Variants in MICAL3 observed in about 807,000 individuals in gnomAD.
MICAL3 encodes microtubule associated monooxygenase, calponin and LIM domain containing 3, also known as [F-actin]-monooxygenase MICAL3.
A neutral mutation model predicts 207.4 loss-of-function variants in MICAL3; 62 were observed. The ratio of observed to expected loss-of-function variants is 0.30; its 90% CI spans 0.24 to 0.37. The LOEUF (loss-of-function observed/expected upper bound fraction) is 0.37, where lower values mean the gene tolerates loss of function less well. MICAL3 is among the 10% of genes least tolerant of loss of function. The probability of loss-of-function intolerance (pLI) is 1.00; values close to 1 mark genes in which losing one functional copy is unlikely to be tolerated. For missense variants in MICAL3, 2,368 were observed against 2,635.6 expected (o/e 0.90, Z 2.22); for synonymous variants, 1,077 against 1,069.3 (o/e 1.01, Z -0.14).
intron 22 of MICAL3, 119 bp downstream of exon 22, chr22:17,827,525 G>A: frequency 9.2e-7 from 1 of 1,087,924 alleles, no homozygotes; most frequent in Non-Finnish European, 1.3e-6. Context: ...GGATGCGCCT[G>A]GCTCCCGTGT....
At chr22:17,812,461 C>CA (rs1831219282) in intron 27 of MICAL3, 2 of 971,616 alleles carry the variant, frequency 2.1e-6, no homozygotes, top group South Asian at 9.5e-5. Flanking sequence ...TGGTTAATCA[C>CA]AGACATGCAT....
intron 1 of MICAL3, among the ~76,000 whole-genome samples, chr22:17,928,331 C>T (rs1227921511): frequency 1.3e-5 from 2 of 151,836 alleles, no homozygotes; most frequent in Non-Finnish European, 2.9e-5. Flanking sequence ...CCCAGCTACT[C>T]AGGAGGCTGA....
chr22:17,797,680 T>C (rs1333166428), intron 29 of MICAL3, among the ~76,000 whole-genome samples: 1 of 152,232 alleles, frequency 6.6e-6, no homozygotes, highest in African/African-American at 2.4e-5. Context: ...TGGATGCTGA[T>C]ATCAAAAACA....
chr22:18,020,434 T>C (rs1924391715), intron 1 of MICAL3, among the ~76,000 whole-genome samples: 1 of 151,326 alleles, frequency 6.6e-6, no homozygotes, highest in South Asian at 2.1e-4. Flanking sequence ...TGGTATTTCT[T>C]AATATTATGA....
chr22:17,847,159 C>G (rs1221059065), intron 19 of MICAL3, among the ~76,000 whole-genome samples: 1 of 152,258 alleles, frequency 6.6e-6, no homozygotes, highest in East Asian at 1.9e-4. Flanking sequence ...GTGGCAAAGC[C>G]CCCCTGTACT....
chr22:17,918,941 C>G (rs1932710431), intron 1 of MICAL3, among the ~76,000 whole-genome samples: 1 of 152,240 alleles, frequency 6.6e-6, no homozygotes, highest in Admixed American at 6.5e-5. Flanking sequence ...GCAGCTGACA[C>G]ATATATTCAA....
At chr22:17,951,728 G>A (rs946800237) in intron 1 of MICAL3, among the ~76,000 whole-genome samples, 5 of 150,056 alleles carry the variant, frequency 3.3e-5, no homozygotes, top group African/African-American at 9.8e-5. Context: ...ACAGGGTCTC[G>A]CTCAGGCATC....
At chr22:17,884,395 C>T in intron 16 of MICAL3, 1 of 1,484,666 alleles carries the variant, frequency 6.7e-7, no homozygotes, top group Non-Finnish European at 9.1e-7. Context: ...GGGGACAGGA[C>T]ATGGAGACAA....
rs1452072511 is a variant in MICAL3, at chr22:17,902,625, A to T, written c.589+6T>A. 1 of 1,545,134 alleles carries T rather than the reference A, an allele frequency of 6.5e-7. No homozygotes were observed. Among genetic ancestry groups the T allele is most frequent in the Non-Finnish European group, 8.9e-7 (1 of 1,125,144 alleles). ...ACGCCTTCTTCACTCCTCCAGTATAACTTACGTTCATTCTCTTGGTCCTCA... is the reference window on the plus strand; with the variant it reads ...ACGCCTTCTTCACTCCTCCAGTATATCTTACGTTCATTCTCTTGGTCCTCA... On this transcript the variant is annotated splice_donor_region_variant and intron_variant, in intron 4 of 31. Coordinates refer to ENST00000441493, the MANE Select transcript of MICAL3 (RefSeq NM_015241.3). The surrounding 1 kb of genome is among the most constrained non-coding windows in gnomAD (Gnocchi z 4.5).
rs1213884856 is a variant in MICAL3, at chr22:17,877,574, T to TAGGGAGGTGAGGGAGGTTATGGAGGTG, written c.2242-5552_2242-5551insCACCTCCATAACCTCCCTCACCTCCCT. On this transcript the variant is annotated intron_variant, in intron 16 of 31. Coordinates refer to ENST00000441493, the MANE Select transcript of MICAL3 (RefSeq NM_015241.3). ...GGGAGGTTATGGAGGTTAGGGAGGTTAGGGAAGTTATGGAGGTTAGGGAGG... is the reference window on the plus strand; with the variant it reads ...GGGAGGTTATGGAGGTTAGGGAGGTTAGGGAGGTGAGGGAGGTTATGGAGGTGAGGGAAGTTATGGAGGTTAGGGAGG... 2.3e-5 allele frequency among the ~76,000 whole-genome samples: 3 copies of TAGGGAGGTGAGGGAGGTTATGGAGGTG among 130,260 alleles called. 1 individual carries two copies. The highest frequency in any genetic ancestry group is 4.9e-5 in the Non-Finnish European group (3 of 60,970). 85.5% of individuals were successfully genotyped at this position (130,260 alleles called of 152,430 possible). A position where few individuals can be genotyped will look rare whatever the true frequency, so the allele number is the denominator to read the frequency against.
chr22:17,959,703 T>C (rs1602294985), intron 1 of MICAL3, among the ~76,000 whole-genome samples: 1 of 152,058 alleles, frequency 6.6e-6, no homozygotes, highest in East Asian at 1.9e-4. Context: ...AATGGTGGGG[T>C]TGAGTGGGTC....
In MICAL3 at chr22:17,818,322, T is replaced by C; in HGVS notation, c.4339A>G (p.Thr1447Ala). ...GGCGTGAGCATGGCGGAGTCCGAGG[T>C]GTTGAAGCTCTGGCTGCCCAGTGTC... ...MKTLGSQSFN[T>A]SDSAMLTPPS... The change falls in exon 26 of 32, where the codon ACC (threonine) becomes GCC (alanine). Residue 1447 changes from threonine to alanine, a missense_variant. By Grantham distance (58) the Thr-to-Ala change is moderately conservative. Coordinates refer to ENST00000441493, the MANE Select transcript of MICAL3 (RefSeq NM_015241.3). 1.3e-6 allele frequency: 2 copies of C among 1,578,104 alleles called. No individual in the cohort carries two copies.
rs1076488 is a variant in MICAL3, at chr22:17,823,031, C to A, written c.3223G>T (p.Asp1075Tyr). Reference sequence around the variant, plus strand: ...ATCTCGGCTGGTTCTGAGTCCACATCTTCCTCTAGGTCATTCTCATCCAAT... The same window carrying A: ...ATCTCGGCTGGTTCTGAGTCCACATATTCCTCTAGGTCATTCTCATCCAAT... ...APLDENDLEE[D>Y]VDSEPAEIEG... Residue 1075 changes from aspartate (D) to tyrosine (Y), a missense_variant, in exon 23 of 32, where the codon GAT becomes TAT. Asp to Tyr is a radical substitution (Grantham distance 160). Transcript: ENST00000441493. 22 of 1,613,694 alleles carry A rather than the reference C, an allele frequency of 1.4e-5. No individual in the cohort carries two copies. The South Asian group carries it at 2.1e-4, about 15-fold the overall frequency.
intron 1 of MICAL3, among the ~76,000 whole-genome samples, chr22:17,943,746 AAAC>A (rs2146342279): frequency 6.6e-6 from 1 of 152,346 alleles, no homozygotes; most frequent in East Asian, 1.9e-4. Context: ...CCCATAGAGA[AAAC>A]AATCAGTTTG....
In MICAL3 at chr22:17,818,850, T is replaced by A; in HGVS notation, c.3811A>T (p.Thr1271Ser). The A allele has an allele frequency of 7.5e-7, 1 of 1,327,370 alleles. No homozygotes were observed. The allele number at this position is 1,327,370 out of a possible 1,614,324, so 82.2% of individuals were successfully genotyped here. A position where few individuals can be genotyped will look rare whatever the true frequency, so the allele number is the denominator to read the frequency against. ...CSQPQPSTEA[T>S]VPSPTQSPIR... ...GGGGACTGGGTAGGGGATGGGACAGTGGCCTCGGTGGAAGGCTGGGGCTGG... is the reference window on the plus strand; with the variant it reads ...GGGGACTGGGTAGGGGATGGGACAGAGGCCTCGGTGGAAGGCTGGGGCTGG... Residue 1271 changes from threonine to serine, a missense_variant, in exon 26 of 32, where the codon ACT (threonine) becomes TCT (serine). Coordinates refer to ENST00000441493, the MANE Select transcript of MICAL3 (RefSeq NM_015241.3).
intron 27 of MICAL3, among the ~76,000 whole-genome samples, chr22:17,811,920 A>T (rs1219263839): frequency 6.6e-6 from 1 of 151,150 alleles, no homozygotes. Flanking sequence ...AATTAAAACA[A>T]TTTTTTTTTG....
intron 19 of MICAL3, among the ~76,000 whole-genome samples, chr22:17,849,006 C>G (rs752871444): frequency 2.0e-5 from 3 of 152,234 alleles, no homozygotes; most frequent in African/African-American, 7.2e-5. Context: ...TATCCCCACA[C>G]GCTGCCCTCC....
At chr22:17,872,745 A>T in intron 16 of MICAL3, 1 of 1,595,744 alleles carries the variant, frequency 6.3e-7, no homozygotes. Flanking sequence ...GGCGTCTCTT[A>T]CCAGTTCCTT....
chr22:17,919,551 A>C (rs956213058), intron 1 of MICAL3, among the ~76,000 whole-genome samples: 1 of 152,248 alleles, frequency 6.6e-6, no homozygotes, highest in African/African-American at 2.4e-5. Flanking sequence ...GAACTGAGTT[A>C]GGATATGAGA....
Sources: gnomAD v4.1 joint callset for allele counts (sites outside exome capture counted in the v4.1 genomes callset) on GRCh38, gnomAD v4.1.1 for gene constraint, Gnocchi (gnomAD v3.1) non-coding constraint, MANE v1.5 for transcripts, NCBI Gene and HGNC (gene_info 2026-07-23, HGNC 2026-07-21) for gene names.